Variants in LY75 observed in about 807,000 individuals in gnomAD.
The protein encoded by LY75 is lymphocyte antigen 75.
A neutral mutation model predicts 231.7 loss-of-function variants in LY75; 185 were observed. The ratio of observed to expected loss-of-function variants is 0.80; its 90% CI spans 0.71 to 0.90. The LOEUF (loss-of-function observed/expected upper bound fraction) is 0.90, where lower values mean the gene tolerates loss of function less well. Ranked by LOEUF, LY75 falls within the 40% of genes least tolerant of loss-of-function variation. The pLI is 0.00. For missense variants in LY75, 1,947 were observed against 2,050.2 expected (o/e 0.95, Z 0.97); for synonymous variants, 668 against 689.0 (o/e 0.97, Z 0.48).
chr2:159,852,622 T>C (rs1167774237), intron 20 of LY75, among the ~76,000 whole-genome samples: 3 of 152,056 alleles, frequency 2.0e-5, no homozygotes, highest in Non-Finnish European at 4.4e-5. Flanking sequence ...ATTCACCACG[T>C]TGGCCAGGCT....
intron 25 of LY75, among the ~76,000 whole-genome samples, chr2:159,839,058 A>T (rs1683923648): frequency 6.6e-6 from 1 of 152,320 alleles, no homozygotes; most frequent in East Asian, 1.9e-4. Context: ...GGCCTCCCAA[A>T]GTGCTGGGAT....
intron 3 of LY75, among the ~76,000 whole-genome samples, chr2:159,892,127 G>C (rs1685777743): frequency 6.6e-6 from 1 of 152,150 alleles, no homozygotes; most frequent in Non-Finnish European, 1.5e-5. Flanking sequence ...AAAATCTACT[G>C]AATCAGAATC....
intron 2 of LY75, among the ~76,000 whole-genome samples, chr2:159,898,127 T>A (rs1304725032): frequency 1.3e-5 from 2 of 152,166 alleles, no homozygotes; most frequent in Admixed American, 6.6e-5. Context: ...TAAGGATGGG[T>A]GTCTCACTAT....
chr2:159,805,767 A>T (rs1560057941), intron 34 of LY75, among the ~76,000 whole-genome samples: 1 of 152,170 alleles, frequency 6.6e-6, no homozygotes, highest in Non-Finnish European at 1.5e-5. Flanking sequence ...CACACTACAC[A>T]TCTCGTCCCT....
At chr2:159,884,869 A>G (rs1685538477) in intron 6 of LY75, among the ~76,000 whole-genome samples, 1 of 152,192 alleles carries the variant, frequency 6.6e-6, no homozygotes, top group Non-Finnish European at 1.5e-5. Flanking sequence ...TGGAGAAAAA[A>G]GAGCCACACA....
intron 27 of LY75, among the ~76,000 whole-genome samples, chr2:159,832,722 T>C (rs1181999808): frequency 6.6e-6 from 1 of 152,262 alleles, no homozygotes; most frequent in Non-Finnish European, 1.5e-5. Context: ...CAGGAAGCTA[T>C]GGTGTCTAGT....
chr2:159,873,649 A>G (rs1685085046), intron 12 of LY75, among the ~76,000 whole-genome samples: 1 of 151,786 alleles, frequency 6.6e-6, no homozygotes, highest in East Asian at 1.9e-4. Context: ...TTGGGATGGC[A>G]TCTAGTGGTT....
chr2:159,844,976 T>C (rs1560077797), intron 23 of LY75, among the ~76,000 whole-genome samples: 1 of 152,040 alleles, frequency 6.6e-6, no homozygotes, highest in Non-Finnish European at 1.5e-5. Flanking sequence ...CGTTAGAACA[T>C]GCAGTATTTG....
intron 28 of LY75, among the ~76,000 whole-genome samples, chr2:159,827,761 A>G (rs903899480): frequency 1.7e-4 from 26 of 152,210 alleles, no homozygotes; most frequent in African/African-American, 6.3e-4. Flanking sequence ...TAGATACCAT[A>G]GAATACTATG....
At chr2:159,877,551 T>C (rs1045077937) in intron 11 of LY75, among the ~76,000 whole-genome samples, 1 of 152,226 alleles carries the variant, frequency 6.6e-6, no homozygotes, top group Admixed American at 6.6e-5. Context: ...TTTAGGCTGG[T>C]TGGAGAAAGA....
In LY75 at chr2:159,804,940, T is replaced by A; in HGVS notation, c.*104A>T. 3 of 844,052 alleles carry A rather than the reference T, an allele frequency of 3.6e-6. No individual in the cohort carries two copies. The highest frequency in any genetic ancestry group is 5.5e-6 in the Non-Finnish European group (3 of 547,948). 52.3% of individuals were successfully genotyped at this position (844,052 alleles called of 1,614,324 possible). ...AAGATCTAAACAACTGAAAAAGTATTTAAGAGTTCTACTTTGGAGCAGAGT... is the reference window on the plus strand; with the variant it reads ...AAGATCTAAACAACTGAAAAAGTATATAAGAGTTCTACTTTGGAGCAGAGT... On this transcript the variant is annotated 3_prime_UTR_variant, in exon 35 of 35. Coordinates refer to ENST00000263636, the MANE Select transcript of LY75 (RefSeq NM_002349.4).
At chr2:159,849,911 C>T in intron 23 of LY75, 69 bp downstream of exon 23, 1 of 1,554,690 alleles carries the variant, frequency 6.4e-7, no homozygotes, top group Non-Finnish European at 8.7e-7. Flanking sequence ...TTTGCTTAGT[C>T]CAAAAATGTA....
In LY75 at chr2:159,831,760, G is replaced by C. The variant is rs1468585802; in HGVS notation, c.3868C>G (p.Arg1290Gly). 6.2e-7 allele frequency: 1 copy of C among 1,608,800 alleles called. No individual in the cohort carries two copies. The highest frequency in any genetic ancestry group is 2.2e-5 in the East Asian group (1 of 44,568). The change falls in exon 28 of 35, where the codon CGA becomes GGA. Residue 1290 changes from arginine to glycine, a missense_variant. Transcript: ENST00000263636. ...ACAAAGTTATTCTCCTTTTCATCTCGAATACTCAGAATATGTGATTTTGGA... is the reference window on the plus strand; with the variant it reads ...ACAAAGTTATTCTCCTTTTCATCTCCAATACTCAGAATATGTGATTTTGGA... The part of the protein sequence containing the change: ...LNPKSHILSI[R>G]DEKENNFVLE...
At chr2:159,864,731 T>C (rs1684807877) in intron 14 of LY75, 108 bp downstream of exon 14, 2 of 1,118,746 alleles carry the variant, frequency 1.8e-6, no homozygotes, top group East Asian at 2.9e-5. Context: ...TCAGGGTCTT[T>C]TGTGGTTCCA....
At chr2:159,834,352 C>CA in intron 26 of LY75, 141 bp from the exon 27 acceptor site, 1 of 1,084,088 alleles carries the variant, frequency 9.2e-7, no homozygotes, top group East Asian at 2.7e-5. Context: ...TGTTTATACT[C>CA]AGATATAGCA....
intron 12 of LY75, among the ~76,000 whole-genome samples, chr2:159,873,561 T>C (rs1685081222): frequency 1.3e-5 from 2 of 152,108 alleles, no homozygotes; most frequent in Non-Finnish European, 2.9e-5. Flanking sequence ...AAGCCCAAAC[T>C]AGATCAGTCA....
At chr2:159,839,139 T>C (rs929055584) in intron 25 of LY75, among the ~76,000 whole-genome samples, 3 of 152,168 alleles carry the variant, frequency 2.0e-5, no homozygotes, top group African/African-American at 7.2e-5. Flanking sequence ...AGAGAGACTA[T>C]TCTTTAAGCT....
chr2:159,853,837 T>C (rs1296209223), intron 18 of LY75, 140 bp from the exon 19 acceptor site: 83 of 1,123,862 alleles, frequency 7.4e-5, no homozygotes, highest in Non-Finnish European at 1.0e-4. Context: ...TTATACAAAC[T>C]AGAACCTTTT....
chr2:159,835,736 A>G (rs1421568150), intron 25 of LY75, 91 bp from the exon 26 acceptor site: 12 of 1,482,686 alleles, frequency 8.1e-6, no homozygotes, highest in Non-Finnish European at 8.1e-6. Flanking sequence ...ATGATTTTTA[A>G]TTTTTTTAAT....
Sources: allele counts gnomAD v4.1 joint callset (sites outside exome capture counted in the v4.1 genomes callset), GRCh38; gene constraint gnomAD v4.1.1; transcripts MANE v1.5; gene names NCBI Gene and HGNC (gene_info 2026-07-23, HGNC 2026-07-21).